The following DIPK1A variants were observed in gnomAD, a reference collection of about 807,000 sequenced individuals.
DIPK1A encodes family with sequence similarity 69 member A.
Under a neutral mutation model 40.8 loss-of-function variants are expected in DIPK1A, and 27 were observed. The ratio of observed to expected loss-of-function variants is 0.66; its 90% CI spans 0.49 to 0.91. The LOEUF (loss-of-function observed/expected upper bound fraction) is 0.91. DIPK1A is among the 40% of genes least tolerant of loss of function. The pLI is 0.00. For missense variants in DIPK1A, 412 were observed against 505.7 expected (o/e 0.81, Z 1.78); for synonymous variants, 166 against 171.3 (o/e 0.97, Z 0.24).
intron 1 of DIPK1A, among the ~76,000 whole-genome samples, chr1:92,935,294 T>C (rs1234663129): frequency 6.6e-6 from 1 of 152,240 alleles, no homozygotes; most frequent in Non-Finnish European, 1.5e-5. Context: ...GACATTCCCG[T>C]TCAGTGTTTT....
intron 1 of DIPK1A, among the ~76,000 whole-genome samples, chr1:92,926,594 G>A (rs894502730): frequency 6.6e-6 from 1 of 152,066 alleles, no homozygotes; most frequent in Non-Finnish European, 1.5e-5. Context: ...TCTACTAATT[G>A]CTCTAAAAGG....
intron 1 of DIPK1A, among the ~76,000 whole-genome samples, chr1:92,918,915 G>C (rs944269268): frequency 6.6e-6 from 1 of 152,160 alleles, no homozygotes. Context: ...GCTCCTGTGA[G>C]AATCTAATGC....
intron 3 of DIPK1A, among the ~76,000 whole-genome samples, chr1:92,848,149 T>G (rs1182559059): frequency 2.6e-5 from 4 of 152,186 alleles, no homozygotes; most frequent in African/African-American, 2.4e-5. Flanking sequence ...TGAAGTAACA[T>G]GCTGAAAAGA....
chr1:92,833,180 T>C (rs1186713678), intron 4 of DIPK1A: 1 of 649,748 alleles, frequency 1.5e-6, no homozygotes, highest in Non-Finnish European at 2.8e-6. Flanking sequence ...GATTCATTTT[T>C]ATTGTTTTAT....
chr1:92,837,852 G>C (rs1687188380), downstream of DIPK1A: 1 of 557,456 alleles, frequency 1.8e-6, no homozygotes, highest in African/African-American at 1.9e-5. Flanking sequence ...TTCTGTATTT[G>C]TAGATGTCAT....
At chr1:92,837,855 G>A, downstream of DIPK1A, 1 of 553,088 alleles carries the variant, frequency 1.8e-6, no homozygotes, top group South Asian at 2.0e-5. Context: ...TGTATTTGTA[G>A]ATGTCATTTC....
chr1:92,923,411 C>T (rs555676308), intron 1 of DIPK1A, among the ~76,000 whole-genome samples: 17 of 152,354 alleles, frequency 1.1e-4, no homozygotes, highest in African/African-American at 4.1e-4. Context: ...GCTAGGATTA[C>T]AGGCATGAGC....
chr1:92,840,452 T>C, downstream of DIPK1A: 1 of 879,366 alleles, frequency 1.1e-6, no homozygotes, highest in Non-Finnish European at 1.9e-6. Context: ...TAGTTCCTTT[T>C]GAGAATCTGG....
At chr1:92,874,425 T>C (rs1247349894) in intron 2 of DIPK1A, among the ~76,000 whole-genome samples, 1 of 152,224 alleles carries the variant, frequency 6.6e-6, no homozygotes, top group Non-Finnish European at 1.5e-5. Flanking sequence ...TGGAGATGCA[T>C]AACACATATT....
chr1:92,890,590 T>C (rs1411909611), intron 1 of DIPK1A, among the ~76,000 whole-genome samples: 1 of 152,230 alleles, frequency 6.6e-6, no homozygotes, highest in African/African-American at 2.4e-5. Flanking sequence ...TTTTTGTCTT[T>C]GGTTCTGTTA....
At position 92,843,520 on chromosome 1, in the gene DIPK1A, C is replaced by T. The variant is rs966572089; in HGVS notation, c.1150G>A (p.Glu384Lys). Residue 384 changes from glutamate (E) to lysine (K), a missense_variant, in exon 5 of 5, where the codon GAA becomes AAA. By Grantham distance (56) the Glu-to-Lys change is moderately conservative. Coordinates refer to ENST00000370310, the MANE Select transcript of DIPK1A (RefSeq NM_001006605.5). The part of the protein sequence containing the change: ...LLRGAPSEIR[E>K]ELEKQLYSCI... ...GAATAAAGCTGCTTTTCTAATTCTTCACGAATTTCACTTGGAGCACCACGC... is the reference window on the plus strand; with the variant it reads ...GAATAAAGCTGCTTTTCTAATTCTTTACGAATTTCACTTGGAGCACCACGC... The T allele has an allele frequency of 3.9e-6, 6 of 1,551,852 alleles. No individual in the cohort carries two copies. In the African/African-American group the frequency reaches 8.2e-5, roughly 21 times the overall value.
At chr1:92,900,722 T>G (rs1309991553) in intron 1 of DIPK1A, among the ~76,000 whole-genome samples, 1 of 152,100 alleles carries the variant, frequency 6.6e-6, no homozygotes, top group Non-Finnish European at 1.5e-5. Context: ...CACCCCTTCC[T>G]CCCTAGAGTG....
intron 1 of DIPK1A, among the ~76,000 whole-genome samples, chr1:92,925,789 A>C (rs4561051): frequency 0.35 from 53,156 of 151,958 alleles, 9,747 homozygotes; most frequent in African/African-American, 0.38. Flanking sequence ...CCACCGTGCC[A>C]GGCCAAGACT....
At chr1:92,948,606 C>CAT (rs554606238) in intron 1 of DIPK1A, among the ~76,000 whole-genome samples, 1,188 of 96,252 alleles carry the variant, frequency 0.012, 10 homozygotes, top group African/African-American at 0.037. Context: ...ACTTCATATT[C>CAT]ATATATATAT....
intron 1 of DIPK1A, among the ~76,000 whole-genome samples, chr1:92,906,869 G>T (rs1330843127): frequency 6.6e-6 from 1 of 152,176 alleles, no homozygotes; most frequent in East Asian, 1.9e-4. Context: ...TATCTTTAAA[G>T]ATTGTACCTC....
intron 1 of DIPK1A, among the ~76,000 whole-genome samples, chr1:92,905,992 T>A (rs1649604822): frequency 6.6e-6 from 1 of 152,190 alleles, no homozygotes; most frequent in Admixed American, 6.5e-5. Context: ...GTGCTTGTTT[T>A]TATGTCAGTG....
intron 2 of DIPK1A, among the ~76,000 whole-genome samples, chr1:92,873,333 G>A (rs967390802): frequency 2.6e-5 from 4 of 152,064 alleles, no homozygotes; most frequent in South Asian, 2.1e-4. Flanking sequence ...TTATCCTCTC[G>A]GCTGGGTGTG....
intron 2 of DIPK1A, among the ~76,000 whole-genome samples, chr1:92,874,638 G>T (rs778617645): frequency 6.6e-6 from 1 of 152,208 alleles, no homozygotes; most frequent in African/African-American, 2.4e-5. Flanking sequence ...GTATGTTTTT[G>T]AACTTGATTA....
At chr1:92,833,200 A>G (rs1686980139) in intron 4 of DIPK1A, 1 of 651,474 alleles carries the variant, frequency 1.5e-6, no homozygotes, top group Non-Finnish European at 2.8e-6. Flanking sequence ...TGAAACTACT[A>G]GTCTGTGACA....
Sources: allele counts gnomAD v4.1 joint callset (sites outside exome capture counted in the v4.1 genomes callset), GRCh38; gene constraint gnomAD v4.1.1; transcripts MANE v1.5; gene names NCBI Gene and HGNC (gene_info 2026-07-23, HGNC 2026-07-21).